Variants in NRG3 observed in about 807,000 individuals in gnomAD.
NRG3 encodes pro-neuregulin-3, membrane-bound isoform.
In NRG3, 31 loss-of-function variants were observed where a neutral mutation model predicts 66.9. The ratio of observed to expected loss-of-function variants is 0.46; its 90% CI spans 0.35 to 0.63. The LOEUF (loss-of-function observed/expected upper bound fraction) is 0.63, where lower values mean the gene tolerates loss of function less well. NRG3 is among the 20% of genes least tolerant of loss of function. The pLI is 0.00. For synonymous variants in NRG3, 393 were observed against 359.4 expected, an observed-to-expected ratio of 1.09 and a Z score of -1.06; for missense variants, 910 against 878.9, an observed-to-expected ratio of 1.04 and a Z score of -0.45.
At chr10:82,112,249 G>GAAAAC (rs980819788) in intron 1 of NRG3, among the ~76,000 whole-genome samples, 3 of 152,072 alleles carry the variant, frequency 2.0e-5, no homozygotes, top group African/African-American at 4.8e-5. Context: ...TCTTAAAAAA[G>GAAAAC]AAAACAAAAG....
intron 2 of NRG3, among the ~76,000 whole-genome samples, chr10:82,719,395 A>C (rs192650217): frequency 6.6e-6 from 1 of 152,216 alleles, no homozygotes; most frequent in African/African-American, 2.4e-5. Flanking sequence ...AATGTATGCT[A>C]TATAGAATAT....
chr10:82,848,715 C>T (rs1393405406), intron 3 of NRG3, among the ~76,000 whole-genome samples: 1 of 152,108 alleles, frequency 6.6e-6, no homozygotes, highest in Admixed American at 6.6e-5. Flanking sequence ...CCCATAATCC[C>T]CACATATCAT....
chr10:82,477,210 C>A (rs1359407516), intron 2 of NRG3, among the ~76,000 whole-genome samples: 2 of 152,104 alleles, frequency 1.3e-5, no homozygotes, highest in Non-Finnish European at 2.9e-5. Context: ...AGAACAAGAA[C>A]CTCAACTGTG....
chr10:82,551,682 G>C (rs560044770), intron 2 of NRG3, among the ~76,000 whole-genome samples: 17 of 151,536 alleles, frequency 1.1e-4, no homozygotes, highest in South Asian at 1.0e-3. Context: ...AAGTCAAATA[G>C]CTTTGCAACC....
intron 2 of NRG3, among the ~76,000 whole-genome samples, chr10:82,425,340 G>A (rs77902952): frequency 0.037 from 5,627 of 152,050 alleles, 172 homozygotes; most frequent in Non-Finnish European, 0.053. Context: ...CATAATGGAA[G>A]ACTTGTATTG....
intron 4 of NRG3, among the ~76,000 whole-genome samples, chr10:82,941,995 T>TTGTG (rs3075660): frequency 0.13 from 19,744 of 148,350 alleles, 1,354 homozygotes; most frequent in Non-Finnish European, 0.16. Context: ...ACATATAGGT[T>TTGTG]TGTGTGTGTG....
At chr10:82,373,092 G>A (rs774198756) in intron 2 of NRG3, among the ~76,000 whole-genome samples, 8 of 152,174 alleles carry the variant, frequency 5.3e-5, no homozygotes, top group Non-Finnish European at 8.8e-5. Context: ...GAGCTGCTGC[G>A]AGGCTCGCAT....
Position 81,875,726 on chromosome 10 carries a change from C to G in NRG3, c.386C>G (p.Thr129Ser), listed in dbSNP as rs1190400626. The G allele has an allele frequency of 6.2e-7, 1 of 1,613,444 alleles. No individual in the cohort carries two copies. The change falls in exon 1 of 9, where the codon ACC (threonine) becomes AGC (serine). Residue 129 changes from threonine to serine, a missense_variant. Thr to Ser is a moderately conservative substitution (Grantham distance 58). Transcript: ENST00000372141. The surrounding 1 kb of genome is among the most constrained non-coding windows in gnomAD (Gnocchi z 5.3). Reference sequence around the variant, plus strand: ...TTCCCCAAGGCCATGGAGACCACCACCACTACCACTTCCACCACGTCCCCC... The same window carrying G: ...TTCCCCAAGGCCATGGAGACCACCAGCACTACCACTTCCACCACGTCCCCC... ...SSFPKAMETT[T>S]TTTSTTSPAT...
chr10:81,970,513 C>T (rs1294805296), intron 1 of NRG3, among the ~76,000 whole-genome samples: 3 of 152,168 alleles, frequency 2.0e-5, no homozygotes, highest in East Asian at 1.9e-4. Context: ...CTATTATTTC[C>T]GTATTGCAAA....
chr10:82,284,405 G>A (rs1230254429), intron 1 of NRG3, among the ~76,000 whole-genome samples: 1 of 152,148 alleles, frequency 6.6e-6, no homozygotes, highest in Non-Finnish European at 1.5e-5. Flanking sequence ...ACAGATACAA[G>A]AACAGGAATG....
At chr10:82,037,100 A>T (rs1182499822) in intron 1 of NRG3, among the ~76,000 whole-genome samples, 1 of 152,160 alleles carries the variant, frequency 6.6e-6, no homozygotes, top group Non-Finnish European at 1.5e-5. Flanking sequence ...CAGGCAGGGT[A>T]TATTTTAAGT....
At chr10:82,061,168 T>C (rs1348475934) in intron 1 of NRG3, among the ~76,000 whole-genome samples, 1 of 152,022 alleles carries the variant, frequency 6.6e-6, no homozygotes, top group East Asian at 1.9e-4. Flanking sequence ...CTAGCCAATA[T>C]GGTGAAACCC....
intron 1 of NRG3, among the ~76,000 whole-genome samples, chr10:82,337,877 A>G (rs2082471911): frequency 6.6e-6 from 1 of 152,224 alleles, no homozygotes; most frequent in South Asian, 2.1e-4. Context: ...ACTCATAAAA[A>G]TGAATAATAA....
At position 82,575,721 on chromosome 10, in the gene NRG3, T is replaced by TC. The variant is rs572625095; in HGVS notation, c.954-162856_954-162855insC. 3.4e-4 allele frequency among the ~76,000 whole-genome samples: 52 copies of TC among 151,826 alleles called. 1 individual carries two copies. In the East Asian group the frequency reaches 9.9e-3, roughly 29 times the overall value. On this transcript the variant is annotated intron_variant, in intron 2 of 8. Coordinates refer to ENST00000372141, the MANE Select transcript of NRG3 (RefSeq NM_001010848.4). ...ATGGGGCCAAAAATCAAAGGGACAA[T>TC]ATAGATTAATTGAAACAGCAGATCA...
intron 1 of NRG3, among the ~76,000 whole-genome samples, chr10:81,899,521 C>G (rs1057375966): frequency 1.3e-5 from 2 of 152,126 alleles, no homozygotes; most frequent in Non-Finnish European, 2.9e-5. Context: ...TTGTCCTCAC[C>G]CAGGAGAGGT....
intron 1 of NRG3, among the ~76,000 whole-genome samples, chr10:81,925,333 T>TC (rs1326060978): frequency 6.6e-6 from 1 of 152,170 alleles, no homozygotes; most frequent in Non-Finnish European, 1.5e-5. Context: ...ATTGGGAAAC[T>TC]CCATCTAGGA....
intron 3 of NRG3, among the ~76,000 whole-genome samples, chr10:82,803,659 T>A (rs933569494): frequency 5.9e-5 from 9 of 152,186 alleles, no homozygotes; most frequent in Non-Finnish European, 1.0e-4. Context: ...GTGATTGAGT[T>A]ATTCCGGTGT....
At chr10:82,471,277 C>T (rs1339242560) in intron 2 of NRG3, among the ~76,000 whole-genome samples, 1 of 152,112 alleles carries the variant, frequency 6.6e-6, no homozygotes. Flanking sequence ...AGGCCAGGCG[C>T]CTCTCCCCTA....
chr10:82,399,140 T>C (rs535375393), intron 2 of NRG3, among the ~76,000 whole-genome samples: 1 of 152,286 alleles, frequency 6.6e-6, no homozygotes, highest in South Asian at 2.1e-4. Context: ...ATTAGAATCA[T>C]GATAATTAAC....
Sources: gnomAD v4.1 joint callset for allele counts (sites outside exome capture counted in the v4.1 genomes callset) on GRCh38, gnomAD v4.1.1 for gene constraint, Gnocchi (gnomAD v3.1) non-coding constraint, MANE v1.5 for transcripts, NCBI Gene and HGNC (gene_info 2026-07-23, HGNC 2026-07-21) for gene names.